TAFAZZIN: variants seen among roughly 807,000 people sequenced by gnomAD.
The protein encoded by TAFAZZIN is protein G4.5.
Under a neutral mutation model 27.3 loss-of-function variants are expected in TAFAZZIN, and 6 were observed. The observed-to-expected ratio is 0.22, with a 90% CI of 0.12 to 0.43. The LOEUF is 0.43. TAFAZZIN is among the 20% of genes least tolerant of loss of function. The pLI is 1.00. For missense variants in TAFAZZIN, 127 were observed against 244.5 expected (o/e 0.52, Z 3.21); for synonymous variants, 79 against 96.2 (o/e 0.82, Z 1.04).
chrX:154,421,597 G>A lies in TAFAZZIN; in HGVS notation c.*593G>A. On this transcript the variant is annotated 3_prime_UTR_variant, in exon 11 of 11. Coordinates refer to ENST00000601016, the MANE Select transcript of TAFAZZIN (RefSeq NM_000116.5). Reference sequence around the variant, plus strand: ...TAGAGTGAGGGCCTGAGGTCTGGCTGCTTGCCCCCATGCTGGCGCCAACAA... The same window carrying A: ...TAGAGTGAGGGCCTGAGGTCTGGCTACTTGCCCCCATGCTGGCGCCAACAA... The A allele has an allele frequency of 3.0e-6, 1 of 330,505 alleles. No individual in the cohort carries two copies. The highest frequency in any genetic ancestry group is 2.6e-5 in the South Asian group (1 of 38,555). 27.2% of individuals were successfully genotyped at this position (330,505 alleles called of 1,213,427 possible).
chrX:154,413,811 A>T (rs2068399535), intron 4 of TAFAZZIN: 1 of 443,876 alleles, frequency 2.3e-6, no homozygotes, highest in African/African-American at 2.4e-5. Context: ...ATTAGAATTC[A>T]AGGAGGCATT....
chrX:154,413,097 C>T, intron 2 of TAFAZZIN, 110 bp from the exon 3 acceptor site: 4 of 1,077,274 alleles, frequency 3.7e-6, no homozygotes, highest in Non-Finnish European at 5.1e-6. Context: ...CCACTTTGGG[C>T]TGTAGGGAAA....
At chrX:154,413,144 T>C (rs1557191516) in intron 2 of TAFAZZIN, 63 bp from the exon 3 acceptor site, 2 of 1,196,755 alleles carry the variant, frequency 1.7e-6, no homozygotes, top group East Asian at 5.9e-5. Context: ...TGAGATGGGG[T>C]GAAGGAAGGG....
rs781949737 is a variant in TAFAZZIN, at chrX:154,420,847, G to A, written c.778-56G>A. On this transcript the variant is annotated intron_variant, in intron 10 of 10. Coordinates refer to ENST00000601016, the MANE Select transcript of TAFAZZIN (RefSeq NM_000116.5). Reference sequence around the variant, plus strand: ...TCACCCTCCCAGGGCACCCTCCCAGGGCACCTTGGCCAAGCTTCCCGAGGG... The same window carrying A: ...TCACCCTCCCAGGGCACCCTCCCAGAGCACCTTGGCCAAGCTTCCCGAGGG... The A allele has an allele frequency of 1.9e-5, 23 of 1,188,361 alleles. No homozygotes were observed. The African/African-American group carries it at 3.4e-4, about 17-fold the overall frequency.
At chrX:154,414,761 C>T (rs781923606) in intron 5 of TAFAZZIN, among the ~76,000 whole-genome samples, 1 of 107,837 alleles carries the variant, frequency 9.3e-6, no homozygotes, top group South Asian at 4.0e-4. Flanking sequence ...GAGGCCGAGG[C>T]GGGCGGATCA....
At position 154,412,166 on chromosome X, in the gene TAFAZZIN, A is replaced by G. The variant is rs1322365208; in HGVS notation, c.190A>G (p.Ile64Val). Residue 64 changes from isoleucine (I) to valine (V), a missense_variant, in exon 2 of 11, where the codon ATC (isoleucine) becomes GTC (valine). Physicochemically the swap from Ile to Val is conservative, Grantham distance 29. Coordinates refer to ENST00000601016, the MANE Select transcript of TAFAZZIN (RefSeq NM_000116.5). ...IEKRGPATPL[I>V]TVSNHQSCMD... is the part of the protein sequence containing the mutation. ...GAAGCGAGGCCCGGCCACGCCCCTC[A>G]TCACCGTGTCCAATCACCAGTCCTG... The G allele has an allele frequency of 8.3e-7, 1 of 1,200,860 alleles. No individual in the cohort carries two copies. Among genetic ancestry groups the G allele is most frequent in the Non-Finnish European group, 1.1e-6 (1 of 890,327 alleles).
intron 5 of TAFAZZIN, among the ~76,000 whole-genome samples, chrX:154,417,400 G>T (rs2068520754): frequency 8.9e-6 from 1 of 112,065 alleles, no homozygotes; most frequent in Admixed American, 9.5e-5. Context: ...AGATTATTAT[G>T]GCCTGAGGGC....
chrX:154,413,966 C>T, intron 4 of TAFAZZIN, 135 bp from the exon 5 acceptor site: 1 of 524,202 alleles, frequency 1.9e-6, no homozygotes, highest in East Asian at 3.6e-5. Flanking sequence ...GGGTGAGAAC[C>T]CCAGGGGATA....
At chrX:154,418,206 C>A (rs782581421) in intron 5 of TAFAZZIN, among the ~76,000 whole-genome samples, 1 of 111,806 alleles carries the variant, frequency 8.9e-6, no homozygotes, top group Non-Finnish European at 1.9e-5. Context: ...TGCTGCGTCC[C>A]AAGTAGGGAA....
chrX:154,413,997 T>C (rs1326837856), intron 4 of TAFAZZIN, 104 bp from the exon 5 acceptor site: 5 of 572,432 alleles, frequency 8.7e-6, no homozygotes, highest in Non-Finnish European at 3.1e-6. Flanking sequence ...TGATCCCTAT[T>C]CTCCAGACAG....
rs781821705 is a variant in TAFAZZIN, at chrX:154,413,609, G to A, written c.370+42G>A. 3.4e-6 allele frequency: 4 copies of A among 1,187,960 alleles called. No homozygotes were observed. The East Asian group carries it at 1.2e-4, about 35-fold the overall frequency. On this transcript the variant is annotated intron_variant, in intron 4 of 10. Transcript: ENST00000601016. ...GCGAGTGCAGGGAGGCACTTCTGGG[G>A]CAGGAAAGCTGGTGGCCAGTGTCTC...
chrX:154,419,774 C>A, intron 7 of TAFAZZIN, 28 bp downstream of exon 7: 1 of 1,211,578 alleles, frequency 8.3e-7, no homozygotes, highest in Non-Finnish European at 1.1e-6. Flanking sequence ...CTGGCCACAG[C>A]CATCCTCCCG....
intron 2 of TAFAZZIN, 44 bp from the exon 3 acceptor site, chrX:154,413,163 G>A: frequency 5.0e-6 from 6 of 1,209,326 alleles, no homozygotes; most frequent in Non-Finnish European, 6.7e-6. Flanking sequence ...GGCACTCCCT[G>A]GGGATATGGG....
Position 154,421,467 on chromosome X carries a change from T to TC in TAFAZZIN, c.*470dup, listed in dbSNP as rs782716746. 3.0e-6 allele frequency: 1 copy of TC among 331,626 alleles called. No homozygotes were observed. Among genetic ancestry groups the TC allele is most frequent in the Non-Finnish European group, 5.8e-6 (1 of 171,371 alleles). The allele number at this position is 331,626 out of a possible 1,213,427, so 27.3% of individuals were successfully genotyped here. A position where few individuals can be genotyped will look rare whatever the true frequency, so the allele number is the denominator to read the frequency against. ...GCCACGTCTTCCTTCTGCCTGAGCT[T>TC]CCCCCCCACCACAGGCCCTTTCCTC... On this transcript the variant is annotated 3_prime_UTR_variant, in exon 11 of 11. Transcript: ENST00000601016.
chrX:154,413,448 G>T, intron 3 of TAFAZZIN, 34 bp from the exon 4 acceptor site: 1 of 1,209,070 alleles, frequency 8.3e-7, no homozygotes, highest in Non-Finnish European at 1.1e-6. Context: ...GCGGGGTGCA[G>T]GGGGCAGGAC....
Position 154,414,127 on chromosome X carries a change from G to A in TAFAZZIN, c.397G>A (p.Glu133Lys). 1 of 1,208,802 alleles carries A rather than the reference G, an allele frequency of 8.3e-7. No homozygotes were observed. The highest frequency in any genetic ancestry group is 1.1e-6 in the Non-Finnish European group (1 of 893,673). ...AGCAGAATTTTTCCAAGCAGAGAATGAGGGGAAAGGTGTTCTAGACACAGG... is the reference window on the plus strand; with the variant it reads ...AGCAGAATTTTTCCAAGCAGAGAATAAGGGGAAAGGTGTTCTAGACACAGG... ...RGAEFFQAEN[E>K]GKGVLDTGRH... The change falls in exon 5 of 11, where the codon GAG becomes AAG. Residue 133 changes from glutamate to lysine, a missense_variant. By Grantham distance (56) the Glu-to-Lys change is moderately conservative. Coordinates refer to ENST00000601016, the MANE Select transcript of TAFAZZIN (RefSeq NM_000116.5).
intron 3 of TAFAZZIN, 102 bp downstream of exon 3, chrX:154,413,354 T>C (rs782450864): frequency 8.3e-7 from 1 of 1,207,762 alleles, no homozygotes; most frequent in Non-Finnish European, 1.1e-6. Flanking sequence ...CGTCCAGCAG[T>C]CCAGGCAGGG....
intron 9 of TAFAZZIN, 24 bp downstream of exon 9, chrX:154,420,288 G>A (rs782251890): frequency 1.7e-6 from 2 of 1,209,927 alleles, no homozygotes; most frequent in Non-Finnish European, 2.2e-6. Flanking sequence ...GCTGACCTTC[G>A]GCTGTCTGCC....
At position 154,421,564 on chromosome X, in the gene TAFAZZIN, G is replaced by A. The variant is rs782808430; in HGVS notation, c.*560G>A. ...TTGGCCAGAAGTCAAGCCCAGCCACGTGGAGCCTAGAGTGAGGGCCTGAGG... is the reference window on the plus strand; with the variant it reads ...TTGGCCAGAAGTCAAGCCCAGCCACATGGAGCCTAGAGTGAGGGCCTGAGG... On this transcript the variant is annotated 3_prime_UTR_variant, in exon 11 of 11. Coordinates refer to ENST00000601016, the MANE Select transcript of TAFAZZIN (RefSeq NM_000116.5). 302 of 329,542 alleles carry A rather than the reference G, an allele frequency of 9.2e-4. No individual in the cohort carries two copies. The highest frequency in any genetic ancestry group is 1.4e-3 in the Non-Finnish European group (235 of 170,088). The allele number at this position is 329,542 out of a possible 1,213,427, so 27.2% of individuals were successfully genotyped here.
Sources: gnomAD v4.1 joint callset for allele counts (sites outside exome capture counted in the v4.1 genomes callset) on GRCh38, gnomAD v4.1.1 for gene constraint, MANE v1.5 for transcripts, NCBI Gene and HGNC (gene_info 2026-07-23, HGNC 2026-07-21) for gene names.